Variants in EIF3H observed in about 807,000 individuals in gnomAD.
The protein encoded by EIF3H is eukaryotic translation initiation factor 3 subunit H, also known as eIF-3-gamma.
In EIF3H, 26 loss-of-function variants were observed where a neutral mutation model predicts 44.2. That is an observed-to-expected ratio of 0.59 (90% CI 0.43 to 0.82). The LOEUF is 0.82. EIF3H is among the 40% of genes least tolerant of loss of function. EIF3H has a pLI of 0.00. For missense variants in EIF3H, 359 were observed against 432.8 expected (o/e 0.83, Z 1.51); for synonymous variants, 166 against 151.9 (o/e 1.09, Z -0.68).
At chr8:116,726,913 T>A (rs1321402752) in intron 1 of EIF3H, among the ~76,000 whole-genome samples, 1 of 152,172 alleles carries the variant, frequency 6.6e-6, no homozygotes, top group Non-Finnish European at 1.5e-5. Flanking sequence ...CGTTAATATA[T>A]GTAAAGTGTT....
intron 1 of EIF3H, 69 bp downstream of exon 1, chr8:116,755,597 T>C: frequency 3.1e-6 from 5 of 1,599,892 alleles, no homozygotes; most frequent in Non-Finnish European, 4.3e-6. Flanking sequence ...TGCTAGAAAG[T>C]ACGTCTGGTG....
At chr8:116,682,028 T>A (rs998984885) in intron 2 of EIF3H, among the ~76,000 whole-genome samples, 8 of 152,188 alleles carry the variant, frequency 5.3e-5, no homozygotes, top group African/African-American at 1.9e-4. Flanking sequence ...TGGAACTGCA[T>A]CATAGAATCC....
intron 2 of EIF3H, among the ~76,000 whole-genome samples, chr8:116,719,921 C>T (rs1814716269): frequency 6.6e-6 from 1 of 152,218 alleles, no homozygotes; most frequent in African/African-American, 2.4e-5. Flanking sequence ...GCATACACTT[C>T]ACTAAGAGTC....
intron 1 of EIF3H, among the ~76,000 whole-genome samples, chr8:116,732,898 C>G (rs1814976106): frequency 6.6e-6 from 1 of 152,198 alleles, no homozygotes; most frequent in East Asian, 1.9e-4. Context: ...TCGCCCAACA[C>G]CAGCTGGGTA....
intron 2 of EIF3H, among the ~76,000 whole-genome samples, chr8:116,689,400 T>C (rs1368907698): frequency 6.6e-6 from 1 of 152,122 alleles, no homozygotes; most frequent in African/African-American, 2.4e-5. Flanking sequence ...GGGTGAACTA[T>C]AGAGTATAAT....
chr8:116,748,025 C>T (rs4637871), intron 1 of EIF3H, among the ~76,000 whole-genome samples: 67,241 of 151,860 alleles, frequency 0.44, 18,738 homozygotes, highest in Non-Finnish European at 0.62. Flanking sequence ...ACACGAGAAT[C>T]GCTTGAACCT....
At chr8:116,741,038 CCTCTT>C (rs1164301259) in intron 1 of EIF3H, among the ~76,000 whole-genome samples, 2 of 152,142 alleles carry the variant, frequency 1.3e-5, no homozygotes, top group Admixed American at 6.5e-5. Context: ...AAACATTTCA[CCTCTT>C]CTCTTTTTTC....
intron 6 of EIF3H, among the ~76,000 whole-genome samples, chr8:116,646,962 A>AT (rs1302803445): frequency 6.6e-6 from 1 of 152,224 alleles, no homozygotes; most frequent in Non-Finnish European, 1.5e-5. Flanking sequence ...ATTCATCCTA[A>AT]TTTTAATGAC....
intron 1 of EIF3H, among the ~76,000 whole-genome samples, 173 bp from the exon 2 acceptor site, chr8:116,726,345 G>C (rs1814837946): frequency 6.6e-6 from 1 of 151,988 alleles, no homozygotes; most frequent in Admixed American, 6.6e-5. Context: ...AAATAATAAA[G>C]CTCACATAAT....
chr8:116,681,760 C>T (rs1373490044), intron 2 of EIF3H, among the ~76,000 whole-genome samples: 1 of 151,268 alleles, frequency 6.6e-6, no homozygotes, highest in African/African-American at 2.4e-5. Flanking sequence ...TTAAAGATGA[C>T]ACAAGATAAA....
exon 1 of EIF3H, chr8:116,766,173 T>C (rs948454295): frequency 3.2e-5 from 5 of 157,302 alleles, no homozygotes; most frequent in Non-Finnish European, 7.0e-5. Flanking sequence ...CTTAGGACAG[T>C]GTCTGGAACA....
intron 1 of EIF3H, among the ~76,000 whole-genome samples, chr8:116,751,533 T>C (rs1234109613): frequency 6.6e-6 from 1 of 152,114 alleles, no homozygotes; most frequent in African/African-American, 2.4e-5. Context: ...TGATGGAAAG[T>C]AAGGAGAAGA....
intron 1 of EIF3H, among the ~76,000 whole-genome samples, chr8:116,742,450 T>C (rs1383047212): frequency 6.6e-6 from 1 of 152,236 alleles, no homozygotes; most frequent in Non-Finnish European, 1.5e-5. Context: ...ATTCAATATA[T>C]ATAACCAACC....
chr8:116,658,764 T>C (rs376975890), intron 3 of EIF3H, 49 bp downstream of exon 3: 19 of 1,574,830 alleles, frequency 1.2e-5, no homozygotes, highest in African/African-American at 2.7e-5. Flanking sequence ...AAAGCAAAAA[T>C]AGTAGTAATA....
intron 2 of EIF3H, among the ~76,000 whole-genome samples, chr8:116,700,410 TTTTC>T (rs1049590536): frequency 2.0e-5 from 3 of 152,110 alleles, no homozygotes; most frequent in African/African-American, 7.2e-5. Context: ...TTTTCTTTTC[TTTTC>T]TTTTTTTTTT....
chr8:116,695,278 A>T (rs1814251232), intron 2 of EIF3H, among the ~76,000 whole-genome samples: 1 of 152,096 alleles, frequency 6.6e-6, no homozygotes, highest in African/African-American at 2.4e-5. Context: ...CATGTTGGCC[A>T]GGCTAGTCTC....
chr8:116,728,888 A>AT (rs1814900720), intron 1 of EIF3H, among the ~76,000 whole-genome samples: 1 of 152,206 alleles, frequency 6.6e-6, no homozygotes, highest in African/African-American at 2.4e-5. Flanking sequence ...GACACAGTAT[A>AT]GAGTTCTCTG....
chr8:116,736,309 T>G (rs897987746), intron 1 of EIF3H, among the ~76,000 whole-genome samples: 1 of 152,164 alleles, frequency 6.6e-6, no homozygotes, highest in Admixed American at 6.5e-5. Flanking sequence ...ACATCTTGAT[T>G]GTGGTAGCAG....
intron 2 of EIF3H, among the ~76,000 whole-genome samples, chr8:116,689,624 TTGAC>T (rs1209976196): frequency 6.6e-6 from 1 of 152,138 alleles, no homozygotes; most frequent in Admixed American, 6.5e-5. Context: ...TTAATTACAA[TTGAC>T]TATTTTTAAG....
Sources: allele counts gnomAD v4.1 joint callset (sites outside exome capture counted in the v4.1 genomes callset), GRCh38; gene constraint gnomAD v4.1.1; transcripts MANE v1.5; gene names NCBI Gene and HGNC (gene_info 2026-07-23, HGNC 2026-07-21).